OCA2: variants seen among roughly 807,000 people sequenced by gnomAD.
The protein encoded by OCA2 is OCA2 melanosomal transmembrane protein, also known as P protein.
In OCA2, 77 loss-of-function variants were observed where a neutral mutation model predicts 100.2. The observed-to-expected ratio is 0.77, with a 90% confidence interval of 0.64 to 0.93. The LOEUF (loss-of-function observed/expected upper bound fraction) is 0.93. OCA2 is among the 40% of genes least tolerant of loss of function. The probability of loss-of-function intolerance (pLI) is 0.00; values close to 1 mark genes in which losing one functional copy is unlikely to be tolerated. For missense variants in OCA2, 1,062 were observed against 1,089.1 expected, an observed-to-expected ratio of 0.98 and a Z score of 0.35; for synonymous variants, 432 against 439.2, an observed-to-expected ratio of 0.98 and a Z score of 0.21.
chr15:27,734,496 C>T, the OCA2 span, among the ~76,000 whole-genome samples: 2 of 152,062 alleles, frequency 1.3e-5, no homozygotes, highest in Non-Finnish European at 1.5e-5. Context: ...TAGGCCCCAG[C>T]ACTGGGCCTG....
At chr15:27,999,802 AAC>A (rs1337767054) in intron 9 of OCA2, among the ~76,000 whole-genome samples, 3 of 152,226 alleles carry the variant, frequency 2.0e-5, no homozygotes, top group Admixed American at 1.3e-4. Flanking sequence ...CATACAAAAT[AAC>A]AGTTTTACTT....
intron 17 of OCA2, among the ~76,000 whole-genome samples, chr15:27,952,771 C>A (rs1220482762): frequency 2.6e-5 from 4 of 152,116 alleles, no homozygotes; most frequent in Non-Finnish European, 5.9e-5. Context: ...CTCCGCCTCC[C>A]AGGGTCACGT....
intron 9 of OCA2, among the ~76,000 whole-genome samples, chr15:27,997,060 AGAAG>A (rs2041755877): frequency 7.8e-6 from 1 of 128,788 alleles, no homozygotes; most frequent in African/African-American, 2.6e-5. Flanking sequence ...AAGGAAGGAA[AGAAG>A]GAAGGAAGGG....
chr15:27,854,015 C>T (rs2035861043), intron 21 of OCA2, among the ~76,000 whole-genome samples: 1 of 152,232 alleles, frequency 6.6e-6, no homozygotes, highest in Admixed American at 6.5e-5. Flanking sequence ...AAGATCCATT[C>T]ACTCTCAGCT....
chr15:27,980,908 G>T (rs1174831899), intron 14 of OCA2, among the ~76,000 whole-genome samples: 2 of 152,092 alleles, frequency 1.3e-5, no homozygotes, highest in African/African-American at 2.4e-5. Flanking sequence ...GATTCTGTGG[G>T]TTTATACCAT....
intron 23 of OCA2, among the ~76,000 whole-genome samples, chr15:27,769,819 C>T (rs998834450): frequency 8.7e-5 from 13 of 149,882 alleles, no homozygotes; most frequent in Non-Finnish European, 1.5e-5. Context: ...GAGGCTGTCC[C>T]TTTTCTGTGC....
chr15:27,871,702 CCCTT>C (rs1397988909), intron 20 of OCA2, among the ~76,000 whole-genome samples, 157 bp downstream of exon 20: 1 of 152,182 alleles, frequency 6.6e-6, no homozygotes, highest in African/African-American at 2.4e-5. Flanking sequence ...GAAAAAGTCT[CCCTT>C]CATCTCTGGG....
chr15:27,865,743 C>T (rs772500275), intron 21 of OCA2, among the ~76,000 whole-genome samples: 1 of 152,150 alleles, frequency 6.6e-6, no homozygotes, highest in Non-Finnish European at 1.5e-5. Flanking sequence ...GGCCAGGGCA[C>T]AAACGTTACA....
chr15:27,773,842 T>C (rs771142336), intron 23 of OCA2, among the ~76,000 whole-genome samples: 5 of 152,140 alleles, frequency 3.3e-5, no homozygotes, highest in Non-Finnish European at 7.4e-5. Flanking sequence ...TACCCAGGAG[T>C]TGGAAGTCCT....
chr15:28,006,263 AC>A (rs1418694312), intron 9 of OCA2, among the ~76,000 whole-genome samples: 2 of 150,514 alleles, frequency 1.3e-5, no homozygotes, highest in Non-Finnish European at 3.0e-5. Flanking sequence ...TCGCCCCACC[AC>A]CCCCCACCTC....
intron 23 of OCA2, among the ~76,000 whole-genome samples, chr15:27,815,653 G>T (rs1008764220): frequency 1.3e-5 from 2 of 152,118 alleles, no homozygotes; most frequent in African/African-American, 4.8e-5. Context: ...CCAACAGATC[G>T]CGTGAAATAA....
At chr15:27,732,116 A>G in the OCA2 span, among the ~76,000 whole-genome samples, 1 of 152,246 alleles carries the variant, frequency 6.6e-6, no homozygotes, top group African/African-American at 2.4e-5. Context: ...AGCCATACAC[A>G]GTATTCACTT....
At chr15:27,844,262 C>T (rs188388226) in intron 23 of OCA2, among the ~76,000 whole-genome samples, 31 of 152,268 alleles carry the variant, frequency 2.0e-4, no homozygotes, top group Admixed American at 4.6e-4. Context: ...AAGAGAGGGA[C>T]GCCACTGCCA....
chr15:27,738,831 A>C, the OCA2 span, among the ~76,000 whole-genome samples: 3 of 152,206 alleles, frequency 2.0e-5, no homozygotes, highest in African/African-American at 7.2e-5. Flanking sequence ...TTTTGTGAAA[A>C]TTCACTAGGG....
At chr15:27,726,938 A>G in the OCA2 span, among the ~76,000 whole-genome samples, 1 of 152,230 alleles carries the variant, frequency 6.6e-6, no homozygotes, top group African/African-American at 2.4e-5. Flanking sequence ...AGCGCTGCAC[A>G]TGGCAGAAGC....
At chr15:27,960,905 CA>C (rs758989766) in intron 15 of OCA2, among the ~76,000 whole-genome samples, 2,413 of 105,438 alleles carry the variant, frequency 0.023, 32 homozygotes, top group African/African-American at 0.072. Flanking sequence ...GGCTCCATCT[CA>C]AAAAAAAAAA....
intron 17 of OCA2, among the ~76,000 whole-genome samples, chr15:27,954,387 A>G (rs1016938365): frequency 2.0e-5 from 3 of 152,164 alleles, no homozygotes; most frequent in Non-Finnish European, 4.4e-5. Flanking sequence ...CTGGCCATCC[A>G]CATGGGACAG....
chr15:27,863,320 G>C (rs1486913318), intron 21 of OCA2, among the ~76,000 whole-genome samples: 1 of 152,200 alleles, frequency 6.6e-6, no homozygotes, highest in East Asian at 1.9e-4. Context: ...GGTAAGCACA[G>C]GGAAGGCTGC....
intron 23 of OCA2, among the ~76,000 whole-genome samples, chr15:27,815,393 A>G (rs2034258945): frequency 6.6e-6 from 1 of 152,158 alleles, no homozygotes; most frequent in Admixed American, 6.5e-5. Context: ...TTAAACCAAC[A>G]ATTATACAAT....
Sources: gnomAD v4.1 joint callset for allele counts (sites outside exome capture counted in the v4.1 genomes callset) on GRCh38, gnomAD v4.1.1 for gene constraint, MANE v1.5 for transcripts, NCBI Gene and HGNC (gene_info 2026-07-23, HGNC 2026-07-21) for gene names.